The following PPIL6 variants were observed in gnomAD, a reference collection of about 807,000 sequenced individuals.
PPIL6 encodes probable inactive peptidyl-prolyl cis-trans isomerase-like 6.
Under a neutral mutation model 36.8 loss-of-function variants are expected in PPIL6, and 39 were observed. The observed-to-expected ratio is 1.06, with a 90% CI of 0.82 to 1.38. The LOEUF is 1.38. Ranked by LOEUF, PPIL6 falls within the 40% of genes most tolerant of loss-of-function variation. The probability of loss-of-function intolerance (pLI) is 0.00; values close to 1 mark genes in which losing one functional copy is unlikely to be tolerated. For missense variants in PPIL6, 368 were observed against 379.1 expected (o/e 0.97, Z 0.24); for synonymous variants, 123 against 134.1 (o/e 0.92, Z 0.57).
chr6:109,426,852 C>T lies in PPIL6; in HGVS notation c.626G>A (p.Gly209Glu), dbSNP rs778605024. 5 of 1,523,716 alleles carry T rather than the reference C, an allele frequency of 3.3e-6. No homozygotes were observed. The highest frequency in any genetic ancestry group is 4.5e-6 in the Non-Finnish European group (5 of 1,122,874). The allele number at this position is 1,523,716 out of a possible 1,614,324, so 94.4% of individuals were successfully genotyped here. Residue 209 changes from glycine to glutamate, a missense_variant, in exon 5 of 8, where the codon GGA (glycine) becomes GAA (glutamate). Physicochemically the swap from Gly to Glu is moderately conservative, Grantham distance 98. Coordinates refer to ENST00000521072, the MANE Select transcript of PPIL6 (RefSeq NM_173672.5). ...HRIVQNGWIQ[G>E]GDIVYGKGDN... ...ATTTAAGATTTTAAACTTACCCCCTCCTTGTATCCAGCCATTCTGTACTAT... is the reference window on the plus strand; with the variant it reads ...ATTTAAGATTTTAAACTTACCCCCTTCTTGTATCCAGCCATTCTGTACTAT...
intron 7 of PPIL6, among the ~76,000 whole-genome samples, chr6:109,395,600 C>CT (rs1290983542): frequency 1.4e-5 from 2 of 138,464 alleles, no homozygotes; most frequent in Non-Finnish European, 1.5e-5. Flanking sequence ...ACCCCCGACT[C>CT]TAACTTCTTT....
chr6:109,411,097 C>A (rs1772995666), intron 6 of PPIL6, among the ~76,000 whole-genome samples: 1 of 152,170 alleles, frequency 6.6e-6, no homozygotes, highest in African/African-American at 2.4e-5. Context: ...CCTTGTATAT[C>A]AAAAACTTGG....
At chr6:109,394,954 C>A (rs927169090) in intron 7 of PPIL6, among the ~76,000 whole-genome samples, 1 of 152,138 alleles carries the variant, frequency 6.6e-6, no homozygotes, top group Non-Finnish European at 1.5e-5. Context: ...TGAAACTTGT[C>A]CAACTTGAAC....
intron 6 of PPIL6, among the ~76,000 whole-genome samples, chr6:109,418,835 C>T (rs898813244): frequency 1.3e-5 from 2 of 152,194 alleles, no homozygotes; most frequent in Non-Finnish European, 2.9e-5. Context: ...AGCCACCATA[C>T]CTGGCCACCT....
At chr6:109,402,146 T>G (rs1772577229) in intron 6 of PPIL6, among the ~76,000 whole-genome samples, 1 of 152,196 alleles carries the variant, frequency 6.6e-6, no homozygotes, top group Non-Finnish European at 1.5e-5. Flanking sequence ...TTATAAAAAA[T>G]TCTGTGATTG....
chr6:109,423,294 G>C (rs1255727285), intron 5 of PPIL6, among the ~76,000 whole-genome samples: 1 of 152,166 alleles, frequency 6.6e-6, no homozygotes, highest in Non-Finnish European at 1.5e-5. Flanking sequence ...TTGAACCCCA[G>C]AGGTGGAGGT....
At chr6:109,403,097 T>C (rs991636970) in intron 6 of PPIL6, 9 of 1,526,952 alleles carry the variant, frequency 5.9e-6, no homozygotes, top group Admixed American at 2.0e-5. Context: ...CTTTTCAAGC[T>C]TCCATAAAGC....
chr6:109,414,323 C>T (rs1263898268), intron 6 of PPIL6, among the ~76,000 whole-genome samples: 1 of 152,034 alleles, frequency 6.6e-6, no homozygotes, highest in Non-Finnish European at 1.5e-5. Flanking sequence ...TTTATTTCCT[C>T]TTATGTTCCT....
At chr6:109,417,225 G>A (rs889072866) in intron 6 of PPIL6, among the ~76,000 whole-genome samples, 6 of 151,840 alleles carry the variant, frequency 4.0e-5, no homozygotes, top group Admixed American at 3.9e-4. Context: ...AAAGTGCAAG[G>A]TTTTCACACC....
intron 1 of PPIL6, 32 bp from the exon 2 acceptor site, chr6:109,436,231 G>A (rs777211648): frequency 1.6e-6 from 2 of 1,261,656 alleles, no homozygotes; most frequent in Non-Finnish European, 2.3e-6. Context: ...TTATTTTAGA[G>A]TTAGTTCTCT....
At chr6:109,420,249 C>T (rs1035280927) in intron 5 of PPIL6, among the ~76,000 whole-genome samples, 4 of 135,364 alleles carry the variant, frequency 3.0e-5, no homozygotes, top group African/African-American at 1.1e-4. Context: ...AGGAGAATTG[C>T]TTGAATCCGG....
intron 5 of PPIL6, among the ~76,000 whole-genome samples, chr6:109,420,343 A>G (rs1773479429): frequency 6.7e-6 from 1 of 150,198 alleles, no homozygotes; most frequent in African/African-American, 2.4e-5. Flanking sequence ...AAAAAAAAAA[A>G]AAAAAAAAAA....
chr6:109,423,155 T>C (rs888018204), intron 5 of PPIL6, among the ~76,000 whole-genome samples: 9 of 152,198 alleles, frequency 5.9e-5, no homozygotes, highest in Non-Finnish European at 8.8e-5. Context: ...TCACTTGAGG[T>C]TGGGAGTTCA....
intron 6 of PPIL6, among the ~76,000 whole-genome samples, chr6:109,403,858 A>G (rs1345074680): frequency 6.6e-6 from 1 of 152,172 alleles, no homozygotes; most frequent in Non-Finnish European, 1.5e-5. Context: ...GGAAGTAGGA[A>G]CCCATGAGAG....
intron 6 of PPIL6, among the ~76,000 whole-genome samples, chr6:109,418,686 C>T (rs543212402): frequency 8.5e-4 from 129 of 151,852 alleles, no homozygotes; most frequent in African/African-American, 3.0e-3. Flanking sequence ...ATCTGGGAGG[C>T]GTGCGCCATC....
intron 7 of PPIL6, among the ~76,000 whole-genome samples, chr6:109,396,594 C>T (rs776264727): frequency 4.6e-5 from 7 of 152,164 alleles, no homozygotes; most frequent in Non-Finnish European, 8.8e-5. Context: ...CTAACTTCTA[C>T]GTGACATTTC....
upstream of PPIL6, chr6:109,441,123 T>G: frequency 3.1e-6 from 5 of 1,614,100 alleles, no homozygotes; most frequent in Non-Finnish European, 4.2e-6. Context: ...TCCCCAACCA[T>G]GAAGCCCAAC....
chr6:109,417,621 G>C (rs1037553359), intron 6 of PPIL6, among the ~76,000 whole-genome samples: 5 of 152,056 alleles, frequency 3.3e-5, no homozygotes, highest in African/African-American at 1.2e-4. Flanking sequence ...TCAAAATGTA[G>C]TCATGTTTAA....
chr6:109,415,124 G>A (rs1773190771), intron 6 of PPIL6, among the ~76,000 whole-genome samples: 2 of 152,274 alleles, frequency 1.3e-5, no homozygotes, highest in African/African-American at 2.4e-5. Flanking sequence ...AGAGGTGGAC[G>A]AGGTAGAAGG....
Sources: allele counts gnomAD v4.1 joint callset (sites outside exome capture counted in the v4.1 genomes callset), GRCh38; gene constraint gnomAD v4.1.1; transcripts MANE v1.5; gene names NCBI Gene and HGNC (gene_info 2026-07-23, HGNC 2026-07-21).